Variants in PROS1 observed in about 807,000 individuals in gnomAD.
PROS1 encodes vitamin K-dependent protein S.
PROS1 carries 29 observed loss-of-function variants against 75.9 expected under a neutral mutation model. The observed-to-expected ratio is 0.38, with a 90% confidence interval of 0.28 to 0.52. PROS1 has a LOEUF of 0.52. PROS1 is among the 20% of genes least tolerant of loss of function. The probability of loss-of-function intolerance (pLI) is 0.83; values close to 1 mark genes in which losing one functional copy is unlikely to be tolerated. For missense variants in PROS1, 680 were observed against 810.3 expected (o/e 0.84, Z 1.95); for synonymous variants, 245 against 280.6 (o/e 0.87, Z 1.27).
chr3:93,930,367 A>G (rs1222981762), intron 1 of PROS1, among the ~76,000 whole-genome samples: 1 of 152,228 alleles, frequency 6.6e-6, no homozygotes, highest in Non-Finnish European at 1.5e-5. Flanking sequence ...ACAGCAAAAA[A>G]TTTGGACTTT....
At chr3:93,893,496 A>T (rs1708461233) in intron 9 of PROS1, among the ~76,000 whole-genome samples, 1 of 152,182 alleles carries the variant, frequency 6.6e-6, no homozygotes, top group Non-Finnish European at 1.5e-5. Context: ...TATACACTAT[A>T]TAATCTGACA....
chr3:93,909,813 C>T (rs1399774102), intron 4 of PROS1, among the ~76,000 whole-genome samples: 10 of 149,776 alleles, frequency 6.7e-5, no homozygotes, highest in Non-Finnish European at 1.5e-4. Flanking sequence ...TTCATAGGAT[C>T]GTTTTTTTTG....
chr3:93,942,920 A>G (rs1709310986), intron 1 of PROS1, among the ~76,000 whole-genome samples: 1 of 152,132 alleles, frequency 6.6e-6, no homozygotes, highest in Non-Finnish European at 1.5e-5. Flanking sequence ...CTTTACTCAC[A>G]TGCCATGAGT....
intron 1 of PROS1, among the ~76,000 whole-genome samples, chr3:93,938,716 C>T (rs1403963240): frequency 2.0e-5 from 3 of 152,170 alleles, no homozygotes; most frequent in Non-Finnish European, 4.4e-5. Context: ...AAAGGAGACA[C>T]ATTTCATCCG....
At chr3:93,956,069 T>C (rs530945262) in intron 1 of PROS1, among the ~76,000 whole-genome samples, 141 of 152,304 alleles carry the variant, frequency 9.3e-4, no homozygotes, top group Non-Finnish European at 1.6e-3. Flanking sequence ...CCATCCATGA[T>C]AGTAAATAAA....
chr3:93,895,969 T>C (rs1453497277), intron 9 of PROS1, among the ~76,000 whole-genome samples: 1 of 151,902 alleles, frequency 6.6e-6, no homozygotes, highest in Non-Finnish European at 1.5e-5. Flanking sequence ...GTCTCAAAAA[T>C]AAATAAATAT....
intron 1 of PROS1, among the ~76,000 whole-genome samples, chr3:93,930,945 AC>A (rs1451316505): frequency 6.6e-6 from 1 of 152,242 alleles, no homozygotes; most frequent in Non-Finnish European, 1.5e-5. Flanking sequence ...TATTAAAAAA[AC>A]AAAAACTGTT....
chr3:93,915,465 C>T (rs1708830963), intron 3 of PROS1, among the ~76,000 whole-genome samples: 1 of 152,162 alleles, frequency 6.6e-6, no homozygotes, highest in Non-Finnish European at 1.5e-5. Flanking sequence ...GACTCTGTCT[C>T]TAAATAAATA....
chr3:93,952,113 A>T (rs1247657303), intron 1 of PROS1, among the ~76,000 whole-genome samples: 1 of 152,156 alleles, frequency 6.6e-6, no homozygotes, highest in Non-Finnish European at 1.5e-5. Flanking sequence ...AGAGACTTAG[A>T]CTCCCACACA....
At chr3:93,883,342 G>A (rs1708299401) in intron 12 of PROS1, among the ~76,000 whole-genome samples, 2 of 152,298 alleles carry the variant, frequency 1.3e-5, no homozygotes, top group Middle Eastern at 3.4e-3. Flanking sequence ...GCTCAAGCCT[G>A]TAATCCCAGC....
At chr3:93,909,343 G>A (rs1708722755) in intron 4 of PROS1, among the ~76,000 whole-genome samples, 1 of 151,066 alleles carries the variant, frequency 6.6e-6, no homozygotes. Context: ...GCTGAGGCAG[G>A]AGGATTGCTT....
chr3:93,937,814 G>A (rs542588438), intron 1 of PROS1, among the ~76,000 whole-genome samples: 2 of 152,204 alleles, frequency 1.3e-5, no homozygotes, highest in African/African-American at 4.8e-5. Context: ...CAATATGAGA[G>A]GGTCTCTCTC....
intron 1 of PROS1, among the ~76,000 whole-genome samples, chr3:93,945,695 C>T (rs1709381092): frequency 6.6e-6 from 1 of 152,136 alleles, no homozygotes; most frequent in Non-Finnish European, 1.5e-5. Flanking sequence ...AAACCCACAG[C>T]CAATATCATA....
intron 1 of PROS1, among the ~76,000 whole-genome samples, chr3:93,931,053 C>T (rs1001446644): frequency 5.3e-5 from 8 of 152,158 alleles, no homozygotes; most frequent in Admixed American, 5.2e-4. Context: ...TTCAGCCCAA[C>T]AATGCTTTAC....
At chr3:93,885,101 C>A (rs1708327808) in intron 11 of PROS1, among the ~76,000 whole-genome samples, 1 of 152,174 alleles carries the variant, frequency 6.6e-6, no homozygotes, top group Non-Finnish European at 1.5e-5. Context: ...CTATCACAAG[C>A]CCTCAGTGGG....
At chr3:93,959,272 C>G (rs1441359492) in intron 1 of PROS1, among the ~76,000 whole-genome samples, 1 of 152,098 alleles carries the variant, frequency 6.6e-6, no homozygotes, top group East Asian at 1.9e-4. Context: ...TGTGATCACA[C>G]CACTGCACTC....
intron 6 of PROS1, among the ~76,000 whole-genome samples, chr3:93,903,188 C>A (rs1158267948): frequency 6.6e-6 from 1 of 151,976 alleles, no homozygotes; most frequent in Non-Finnish European, 1.5e-5. Context: ...TTTATATATT[C>A]TTCTATCTGT....
chr3:93,933,489 C>T (rs867946696), intron 1 of PROS1, among the ~76,000 whole-genome samples: 1 of 151,646 alleles, frequency 6.6e-6, no homozygotes, highest in African/African-American at 2.4e-5. Context: ...GCTGAAGGAT[C>T]GCTTGAGCCC....
chr3:93,927,930 T>A (rs1374208676), intron 1 of PROS1, among the ~76,000 whole-genome samples: 1 of 140,820 alleles, frequency 7.1e-6, no homozygotes, highest in Non-Finnish European at 1.5e-5. Context: ...TATATGTGTA[T>A]ATATATATGT....
Sources: allele counts gnomAD v4.1 joint callset (sites outside exome capture counted in the v4.1 genomes callset), GRCh38; gene constraint gnomAD v4.1.1; transcripts MANE v1.5; gene names NCBI Gene and HGNC (gene_info 2026-07-23, HGNC 2026-07-21).